NELL1: variants seen among roughly 807,000 people sequenced by gnomAD.
The protein encoded by NELL1 is neural EGFL like 1.
In NELL1, 76 loss-of-function variants were observed where a neutral mutation model predicts 107.4. The ratio of observed to expected loss-of-function variants is 0.71; its 90% confidence interval spans 0.59 to 0.86. The LOEUF (loss-of-function observed/expected upper bound fraction) is 0.86. Among genes scored for constraint, NELL1 ranks in the 40% least tolerant of loss-of-function variants. NELL1 has a pLI of 0.00. For missense variants in NELL1, 1,024 were observed against 1,005.5 expected (o/e 1.02, Z -0.25); for synonymous variants, 353 against 341.2 (o/e 1.03, Z -0.38).
rs368617465 is a variant in NELL1 at position 21,229,321 on chromosome 11, C to T, written c.1427-11C>T. The stretch of plus-strand genomic sequence containing the variant: ...AAAAGTATTTCTCTTTTTCTCTCAC[C>T]CTGGAAACAGAACACGATGAATGTG... On this transcript the variant is annotated splice_polypyrimidine_tract_variant and intron_variant, in intron 13 of 19. Coordinates refer to ENST00000357134, the MANE Select transcript of NELL1 (RefSeq NM_006157.5). 3.1e-6 allele frequency: 5 copies of T among 1,613,434 alleles called. No homozygotes were observed. Among genetic ancestry groups the T allele is most frequent in the African/African-American group, 1.3e-5 (1 of 74,898 alleles).
intron 13 of NELL1, among the ~76,000 whole-genome samples, chr11:21,195,354 A>G (rs896627178): frequency 3.9e-5 from 6 of 152,162 alleles, no homozygotes; most frequent in Non-Finnish European, 8.8e-5. Context: ...TTTCTAATAC[A>G]GTAGGCTGGG....
intron 15 of NELL1, among the ~76,000 whole-genome samples, chr11:21,487,666 C>G (rs1458070933): frequency 1.3e-5 from 2 of 151,808 alleles, no homozygotes. Flanking sequence ...ATGACAAAAA[C>G]CCTGACAGAT....
intron 2 of NELL1, among the ~76,000 whole-genome samples, chr11:20,689,596 C>A (rs1191919061): frequency 6.7e-6 from 1 of 148,570 alleles, no homozygotes; most frequent in African/African-American, 2.5e-5. Context: ...GCATTCATGT[C>A]CCCACAAAGG....
intron 3 of NELL1, among the ~76,000 whole-genome samples, chr11:20,819,970 G>T (rs989457873): frequency 6.6e-6 from 1 of 152,166 alleles, no homozygotes; most frequent in African/African-American, 2.4e-5. Context: ...CAGACTTCAG[G>T]AGGATCTTTA....
At chr11:20,703,737 A>G (rs1430348849) in intron 2 of NELL1, among the ~76,000 whole-genome samples, 1 of 152,132 alleles carries the variant, frequency 6.6e-6, no homozygotes, top group Non-Finnish European at 1.5e-5. Flanking sequence ...GAACATCTTT[A>G]TTTCTGCCTT....
chr11:21,349,617 A>G lies in NELL1; in HGVS notation c.1550-21236A>G, dbSNP rs572296582. Among the ~76,000 whole-genome samples the G allele has an allele frequency of 2.4e-4, 36 of 151,480 alleles. No homozygotes were observed. In the South Asian group the frequency reaches 7.6e-3, roughly 32 times the overall value. Reference sequence around the variant, plus strand: ...AGTAAAATAGTGTCCTTTTTTTTTTAAAGCAGTGAATCAGAGGAAGAGACT... The same window carrying G: ...AGTAAAATAGTGTCCTTTTTTTTTTGAAGCAGTGAATCAGAGGAAGAGACT... On this transcript the variant is annotated intron_variant, in intron 14 of 19. Coordinates refer to ENST00000357134, the MANE Select transcript of NELL1 (RefSeq NM_006157.5).
intron 15 of NELL1, among the ~76,000 whole-genome samples, chr11:21,465,826 T>C (rs918210319): frequency 2.0e-5 from 3 of 152,136 alleles, no homozygotes; most frequent in Non-Finnish European, 4.4e-5. Flanking sequence ...CTGCTGATGC[T>C]TTAAAGAGGT....
At chr11:21,059,530 T>G (rs539239612) in intron 12 of NELL1, among the ~76,000 whole-genome samples, 1 of 152,308 alleles carries the variant, frequency 6.6e-6, no homozygotes, top group Non-Finnish European at 1.5e-5. Flanking sequence ...TTAATTACCC[T>G]GGTATAATAT....
chr11:21,090,143 G>T (rs953555310), intron 12 of NELL1, among the ~76,000 whole-genome samples: 1 of 152,150 alleles, frequency 6.6e-6, no homozygotes, highest in African/African-American at 2.4e-5. Flanking sequence ...AATAAATAGA[G>T]TCTACAAAGA....
At position 21,176,242 on chromosome 11, in the gene NELL1, C is replaced by T. The variant is rs947400000; in HGVS notation, c.1427-53090C>T. 3.3e-5 allele frequency among the ~76,000 whole-genome samples: 5 copies of T among 151,848 alleles called. 1 individual carries two copies. Among genetic ancestry groups the T allele is most frequent in the African/African-American group, 1.2e-4 (5 of 41,138 alleles). ...CATCAACTTTCTGAACCATCCTGCT[C>T]AAAATACCAAGAACCTCACTTTGTT... On this transcript the variant is annotated intron_variant, in intron 13 of 19. Coordinates refer to ENST00000357134, the MANE Select transcript of NELL1 (RefSeq NM_006157.5).
At chr11:20,853,213 G>A (rs1685518869) in intron 4 of NELL1, among the ~76,000 whole-genome samples, 1 of 152,202 alleles carries the variant, frequency 6.6e-6, no homozygotes, top group South Asian at 2.1e-4. Flanking sequence ...TTGGTAGTGA[G>A]GGAAGGTCTG....
chr11:20,974,396 C>T (rs1461719521), intron 12 of NELL1, among the ~76,000 whole-genome samples: 1 of 152,114 alleles, frequency 6.6e-6, no homozygotes, highest in Non-Finnish European at 1.5e-5. Flanking sequence ...GATTTAATCT[C>T]AGGCCCGTCT....
intron 2 of NELL1, among the ~76,000 whole-genome samples, chr11:20,686,972 C>T (rs1854320314): frequency 6.8e-6 from 1 of 147,730 alleles, no homozygotes; most frequent in African/African-American, 2.5e-5. Context: ...TAGAGGGGTC[C>T]CTTTTATGCT....
rs1249120001 is a variant in NELL1 at position 20,894,338 on chromosome 11, G to A, written c.603+8798G>A. ...AAATAGATGACTAAGAGAGTAAAAA[G>A]GCATGTCAAGGAATAGGAGGAGCTA... On this transcript the variant is annotated intron_variant, in intron 5 of 19. Transcript: ENST00000357134. 3.9e-5 allele frequency among the ~76,000 whole-genome samples: 6 copies of A among 152,256 alleles called. No individual in the cohort carries two copies. The East Asian group carries it at 7.7e-4, about 20-fold the overall frequency.
chr11:20,808,702 G>A (rs1167277532), intron 3 of NELL1, among the ~76,000 whole-genome samples: 1 of 152,212 alleles, frequency 6.6e-6, no homozygotes, highest in East Asian at 1.9e-4. Flanking sequence ...CATTGGGATT[G>A]GGGATTCCCT....
At chr11:21,118,685 A>G (rs995752573) in intron 13 of NELL1, among the ~76,000 whole-genome samples, 1 of 152,072 alleles carries the variant, frequency 6.6e-6, no homozygotes, top group African/African-American at 2.4e-5. Flanking sequence ...CATTTCCATT[A>G]TTGACATTCC....
At chr11:20,720,424 G>A (rs1013706726) in intron 2 of NELL1, among the ~76,000 whole-genome samples, 16 of 151,976 alleles carry the variant, frequency 1.1e-4, no homozygotes, top group Admixed American at 5.9e-4. Flanking sequence ...GGCCAGGCTG[G>A]TCTTGAACTC....
At chr11:21,382,017 ACT>A (rs757888667) in intron 15 of NELL1, among the ~76,000 whole-genome samples, 4 of 146,996 alleles carry the variant, frequency 2.7e-5, no homozygotes, top group African/African-American at 5.1e-5. Context: ...AGCATGGGTG[ACT>A]CTGTACATAG....
At chr11:20,993,081 C>A (rs1342500876) in intron 12 of NELL1, among the ~76,000 whole-genome samples, 1 of 152,274 alleles carries the variant, frequency 6.6e-6, no homozygotes, top group African/African-American at 2.4e-5. Flanking sequence ...TGAGTTTCCA[C>A]CTGTCTAGAA....
Sources: gnomAD v4.1 joint callset for allele counts (sites outside exome capture counted in the v4.1 genomes callset) on GRCh38, gnomAD v4.1.1 for gene constraint, MANE v1.5 for transcripts, NCBI Gene and HGNC (gene_info 2026-07-23, HGNC 2026-07-21) for gene names.